GLRA2: variants seen among roughly 807,000 people sequenced by gnomAD.
GLRA2 encodes the protein glycine receptor subunit alpha-2.
In GLRA2, 11 loss-of-function variants were observed where a neutral mutation model predicts 31.6. The observed-to-expected ratio is 0.35, with a 90% CI of 0.22 to 0.58. The LOEUF (loss-of-function observed/expected upper bound fraction) is 0.58, where lower values mean the gene tolerates loss of function less well. Ranked by LOEUF, GLRA2 falls within the 20% of genes least tolerant of loss-of-function variation. GLRA2 has a pLI of 0.84. For missense variants in GLRA2, 212 were observed against 351.8 expected (o/e 0.60, Z 3.18); for synonymous variants, 132 against 134.0 (o/e 0.99, Z 0.10).
chrX:14,624,333 T>G (rs1335785867), intron 7 of GLRA2, among the ~76,000 whole-genome samples: 1 of 111,587 alleles, frequency 9.0e-6, no homozygotes, highest in Non-Finnish European at 1.9e-5. Context: ...GAAGGGGTAT[T>G]TTGTGTCTCT....
chrX:14,488,637 A>C, the GLRA2 span, among the ~76,000 whole-genome samples: 16 of 112,486 alleles, frequency 1.4e-4, no homozygotes, highest in South Asian at 4.8e-3. Flanking sequence ...AGAGAAAAAG[A>C]CATCTTTAAA....
intron 4 of GLRA2, among the ~76,000 whole-genome samples, chrX:14,595,711 C>G (rs910806841): frequency 6.3e-5 from 7 of 111,310 alleles, no homozygotes; most frequent in Non-Finnish European, 9.4e-5. Flanking sequence ...CTGCTCTACC[C>G]GATCACTGTG....
At position 14,532,341 on chromosome X, in the gene GLRA2, A is replaced by G; in HGVS notation, c.171A>G (p.Gly57=). The G allele has an allele frequency of 8.4e-7, 1 of 1,189,114 alleles. No homozygotes were observed. The highest frequency in any genetic ancestry group is 1.8e-5 in the South Asian group (1 of 54,353). The part of the protein sequence containing the change: ...FLDKLMGRTS[G]YDARIRPNFK... Reference sequence around the variant, plus strand: ...ACAAGTTAATGGGAAGGACATCAGGATATGATGCAAGAATCAGGCCAAATT... The same window carrying G: ...ACAAGTTAATGGGAAGGACATCAGGGTATGATGCAAGAATCAGGCCAAATT... Residue 57 remains glycine (G), a synonymous_variant, in exon 2 of 9, where the codon GGA becomes GGG. Transcript: ENST00000218075.
At chrX:14,685,602 G>A (rs2091267088) in intron 7 of GLRA2, among the ~76,000 whole-genome samples, 2 of 111,796 alleles carry the variant, frequency 1.8e-5, no homozygotes, top group South Asian at 3.8e-4. Context: ...GTTTACTTGC[G>A]TAGAGGTGTT....
intron 7 of GLRA2, among the ~76,000 whole-genome samples, chrX:14,611,619 TAA>T (rs2090398660): frequency 8.9e-6 from 1 of 112,552 alleles, no homozygotes; most frequent in South Asian, 3.6e-4. Context: ...TTTTAATTTT[TAA>T]AAACTTTCAA....
At chrX:14,564,394 G>C (rs1271784704) in intron 2 of GLRA2, among the ~76,000 whole-genome samples, 1 of 110,750 alleles carries the variant, frequency 9.0e-6, no homozygotes, top group African/African-American at 3.3e-5. Flanking sequence ...GAGAAATTAA[G>C]ACATTACTAG....
the GLRA2 span, among the ~76,000 whole-genome samples, chrX:14,520,569 C>T: frequency 1.8e-5 from 2 of 112,165 alleles, no homozygotes; most frequent in Non-Finnish European, 3.8e-5. Context: ...ATAAGCAGAA[C>T]TCCAGTCCTA....
intron 2 of GLRA2, among the ~76,000 whole-genome samples, chrX:14,564,335 A>C (rs1011803242): frequency 9.0e-6 from 1 of 111,020 alleles, no homozygotes; most frequent in Admixed American, 9.6e-5. Flanking sequence ...AAAAAAAAAA[A>C]CTGTAACTGA....
intron 8 of GLRA2, among the ~76,000 whole-genome samples, chrX:14,704,393 T>G (rs766452406): frequency 4.5e-5 from 5 of 112,151 alleles, no homozygotes; most frequent in African/African-American, 6.5e-5. Context: ...TCCTGCACAA[T>G]GGTTTAAGAT....
At chrX:14,725,923 T>C (rs1473224328) in intron 8 of GLRA2, among the ~76,000 whole-genome samples, 1 of 112,519 alleles carries the variant, frequency 8.9e-6, no homozygotes. Flanking sequence ...ACTGGATGAT[T>C]CATTTTCTGT....
At chrX:14,461,328 G>C in the GLRA2 span, among the ~76,000 whole-genome samples, 1 of 111,881 alleles carries the variant, frequency 8.9e-6, no homozygotes, top group African/African-American at 3.2e-5. Context: ...ATATCCTGCT[G>C]ATTTGAGGTG....
chrX:14,529,966 A>C lies in GLRA2; in HGVS notation c.-92A>C, dbSNP rs2089232285. On this transcript the variant is annotated 5_prime_UTR_variant, in exon 1 of 9. Coordinates refer to ENST00000218075, the MANE Select transcript of GLRA2 (RefSeq NM_002063.4). ...TTTCAAGGAAACTAGGTTCCTGCCA[A>C]ATTTTGAATCTGGACAATAAACAGA... is the stretch of plus-strand genomic sequence containing the variant. The C allele has an allele frequency of 5.6e-6, 4 of 712,466 alleles. No homozygotes were observed. The allele number at this position is 712,466 out of a possible 1,213,427, so 58.7% of individuals were successfully genotyped here.
intron 2 of GLRA2, among the ~76,000 whole-genome samples, chrX:14,551,655 G>A (rs1405257464): frequency 1.8e-5 from 2 of 111,632 alleles, no homozygotes; most frequent in African/African-American, 6.5e-5. Context: ...TCAAGAAAAT[G>A]CTATGATATA....
chrX:14,722,220 T>C (rs1377416149), intron 8 of GLRA2, among the ~76,000 whole-genome samples: 1 of 111,666 alleles, frequency 9.0e-6, no homozygotes, highest in African/African-American at 3.3e-5. Flanking sequence ...TGGTTCGGGG[T>C]CTCTCCTCTT....
At chrX:14,454,198 A>ACACC in the GLRA2 span, among the ~76,000 whole-genome samples, 1 of 104,533 alleles carries the variant, frequency 9.6e-6, no homozygotes, top group South Asian at 4.1e-4. Context: ...CCACACACAC[A>ACACC]CACACACACA....
At chrX:14,553,011 ACCT>A (rs750686111) in intron 2 of GLRA2, among the ~76,000 whole-genome samples, 2 of 111,220 alleles carry the variant, frequency 1.8e-5, no homozygotes, top group Non-Finnish European at 3.8e-5. Flanking sequence ...TGGGAGAATG[ACCT>A]CCTCAATTTC....
intron 7 of GLRA2, among the ~76,000 whole-genome samples, chrX:14,640,579 T>A (rs2090762209): frequency 9.0e-6 from 1 of 111,263 alleles, no homozygotes; most frequent in Non-Finnish European, 1.9e-5. Context: ...ATTTCTAGTG[T>A]CCTAGGGGTA....
At chrX:14,626,377 A>G (rs947436161) in intron 7 of GLRA2, among the ~76,000 whole-genome samples, 5 of 112,315 alleles carry the variant, frequency 4.5e-5, no homozygotes, top group African/African-American at 1.6e-4. Context: ...TCTTTTGGCT[A>G]TGCATACTGA....
chrX:14,579,979 A>AT (rs1038499911), intron 3 of GLRA2, among the ~76,000 whole-genome samples: 1 of 112,068 alleles, frequency 8.9e-6, no homozygotes, highest in East Asian at 2.8e-4. Context: ...CAACTTAATT[A>AT]TTTTTTTCCC....
Sources: allele counts gnomAD v4.1 joint callset (sites outside exome capture counted in the v4.1 genomes callset), GRCh38; gene constraint gnomAD v4.1.1; transcripts MANE v1.5; gene names NCBI Gene and HGNC (gene_info 2026-07-23, HGNC 2026-07-21).